The following TSNARE1 variants were observed in gnomAD, a reference collection of about 807,000 sequenced individuals.
TSNARE1 encodes t-SNARE domain-containing protein 1.
A neutral mutation model predicts 62.0 loss-of-function variants in TSNARE1; 49 were observed. The observed-to-expected ratio is 0.79, with a 90% confidence interval of 0.63 to 1.00. The LOEUF is 1.00. TSNARE1 is among the 50% of genes least tolerant of loss of function. TSNARE1 has a pLI of 0.00. For missense variants in TSNARE1, 755 were observed against 700.1 expected (o/e 1.08, Z -0.88); for synonymous variants, 328 against 294.4 (o/e 1.11, Z -1.17).
chr8:142,329,884 G>A (rs981179415), intron 6 of TSNARE1, among the ~76,000 whole-genome samples: 1 of 152,276 alleles, frequency 6.6e-6, no homozygotes, highest in African/African-American at 2.4e-5. Flanking sequence ...CATCTGCAAA[G>A]GGTGCTCCGC....
chr8:142,396,917 G>C (rs1369556389), intron 1 of TSNARE1, among the ~76,000 whole-genome samples: 5 of 152,246 alleles, frequency 3.3e-5, no homozygotes, highest in African/African-American at 1.2e-4. Context: ...TGCCATGGCT[G>C]ACCAGGTAGA....
intron 1 of TSNARE1, among the ~76,000 whole-genome samples, chr8:142,396,822 A>G (rs112486172): frequency 7.2e-4 from 110 of 152,328 alleles, no homozygotes; most frequent in African/African-American, 2.5e-3. Context: ...TGCCTGACAG[A>G]TGCCCTGTGG....
chr8:142,292,395 T>C (rs1376384844), intron 10 of TSNARE1, among the ~76,000 whole-genome samples: 1 of 152,090 alleles, frequency 6.6e-6, no homozygotes, highest in African/African-American at 2.4e-5. Flanking sequence ...CTCATGGGAA[T>C]TTTGAAGATG....
intron 12 of TSNARE1, among the ~76,000 whole-genome samples, chr8:142,265,842 G>A (rs1354994499): frequency 6.6e-6 from 1 of 152,168 alleles, no homozygotes; most frequent in Non-Finnish European, 1.5e-5. Context: ...ATCTTTTCAT[G>A]AGCCTACTTG....
At chr8:142,342,879 C>T (rs1015781469) in intron 4 of TSNARE1, among the ~76,000 whole-genome samples, 1 of 151,858 alleles carries the variant, frequency 6.6e-6, no homozygotes, top group African/African-American at 2.4e-5. Flanking sequence ...ACACCTGTCC[C>T]AGCACCTGCC....
chr8:142,271,084 G>C, intron 12 of TSNARE1: 3 of 985,972 alleles, frequency 3.0e-6, no homozygotes, highest in African/African-American at 1.7e-5. Flanking sequence ...CCCCCGACCA[G>C]CCCTATATCT....
At chr8:142,375,602 C>T (rs1353232481) in intron 1 of TSNARE1, among the ~76,000 whole-genome samples, 2 of 152,236 alleles carry the variant, frequency 1.3e-5, no homozygotes, top group Admixed American at 6.5e-5. Context: ...CGGTGAAGTC[C>T]GCCATCCAGC....
intron 11 of TSNARE1, among the ~76,000 whole-genome samples, chr8:142,283,758 AGGC>A (rs1822172356): frequency 7.9e-6 from 1 of 126,184 alleles, no homozygotes; most frequent in African/African-American, 3.0e-5. Context: ...CAACGAGCAG[AGGC>A]AGGGACAGCG....
chr8:142,244,344 G>C (rs1425953654), intron 12 of TSNARE1, among the ~76,000 whole-genome samples: 1 of 152,144 alleles, frequency 6.6e-6, no homozygotes, highest in Non-Finnish European at 1.5e-5. Context: ...CATCCAATTA[G>C]AAAATGTGGT....
rs1165567943 is a variant in TSNARE1 at position 142,374,761 on chromosome 8, G to C, written c.-39-19998C>G. Reference sequence around the variant, plus strand: ...CTCAAACAAAGACCATCTGAAAAGGGGAAGGAGGCTCTGAGAAGGCTCTGG... The same window carrying C: ...CTCAAACAAAGACCATCTGAAAAGGCGAAGGAGGCTCTGAGAAGGCTCTGG... On this transcript the variant is annotated intron_variant, in intron 1 of 13. Transcript: ENST00000524325. Among the ~76,000 whole-genome samples the C allele has an allele frequency of 2.6e-5, 4 of 152,060 alleles. No individual in the cohort carries two copies. The South Asian group carries it at 8.3e-4, about 32-fold the overall frequency.
intron 13 of TSNARE1, among the ~76,000 whole-genome samples, chr8:142,220,956 C>A (rs187839741): frequency 3.9e-5 from 6 of 152,364 alleles, no homozygotes; most frequent in Non-Finnish European, 7.3e-5. Flanking sequence ...TGGCATACAG[C>A]AAGCACTCAA....
At chr8:142,235,071 G>A (rs1020623069) in intron 12 of TSNARE1, among the ~76,000 whole-genome samples, 1 of 152,192 alleles carries the variant, frequency 6.6e-6, no homozygotes, top group African/African-American at 2.4e-5. Flanking sequence ...CGCCAGCACA[G>A]CCCACAGGGA....
intron 10 of TSNARE1, among the ~76,000 whole-genome samples, chr8:142,297,346 C>T (rs528615286): frequency 4.6e-5 from 7 of 152,320 alleles, no homozygotes; most frequent in African/African-American, 1.7e-4. Context: ...CACCAGGAAT[C>T]GCGCAACACT....
chr8:142,305,997 A>G (rs1826605402), intron 9 of TSNARE1, among the ~76,000 whole-genome samples: 1 of 152,168 alleles, frequency 6.6e-6, no homozygotes, highest in Non-Finnish European at 1.5e-5. Context: ...TCTGGGAAGG[A>G]GACCACTTTC....
At chr8:142,302,514 A>C (rs1586673580) in intron 9 of TSNARE1, among the ~76,000 whole-genome samples, 1 of 151,898 alleles carries the variant, frequency 6.6e-6, no homozygotes, top group Non-Finnish European at 1.5e-5. Context: ...CCCAGCTCAC[A>C]CCATAGCCAG....
At chr8:142,258,248 G>A (rs747107782) in intron 12 of TSNARE1, among the ~76,000 whole-genome samples, 1 of 152,026 alleles carries the variant, frequency 6.6e-6, no homozygotes, top group Non-Finnish European at 1.5e-5. Context: ...ACTGGTACAT[G>A]AAGGCACGCG....
chr8:142,360,955 C>A (rs1211164864), intron 1 of TSNARE1, among the ~76,000 whole-genome samples: 2 of 152,184 alleles, frequency 1.3e-5, no homozygotes, highest in East Asian at 1.9e-4. Context: ...CCCACACAGG[C>A]AGAGGACACC....
chr8:142,215,180 G>T (rs1272070100), intron 13 of TSNARE1, among the ~76,000 whole-genome samples: 4 of 152,228 alleles, frequency 2.6e-5, no homozygotes, highest in Non-Finnish European at 5.9e-5. Context: ...TCTGTGATGT[G>T]CACGGCTGTT....
At chr8:142,322,818 T>A in intron 6 of TSNARE1, among the ~76,000 whole-genome samples, 1 of 151,070 alleles carries the variant, frequency 6.6e-6, no homozygotes, top group Non-Finnish European at 1.5e-5. Context: ...TGTCTGTGGG[T>A]TGGACAACGA....
Sources: gnomAD v4.1 joint callset for allele counts (sites outside exome capture counted in the v4.1 genomes callset) on GRCh38, gnomAD v4.1.1 for gene constraint, MANE v1.5 for transcripts, NCBI Gene and HGNC (gene_info 2026-07-23, HGNC 2026-07-21) for gene names.